TSHZ2: variants seen among roughly 807,000 people sequenced by gnomAD.
TSHZ2 encodes teashirt homolog 2.
TSHZ2 carries 21 observed loss-of-function variants against 74.4 expected under a neutral mutation model. The observed-to-expected ratio is 0.28, with a 90% CI of 0.20 to 0.41. The LOEUF (loss-of-function observed/expected upper bound fraction) is 0.41, where lower values mean the gene tolerates loss of function less well. Among genes scored for constraint, TSHZ2 ranks in the 10% least tolerant of loss-of-function variants. TSHZ2 has a pLI of 1.00. For missense variants in TSHZ2, 1,244 were observed against 1,293.5 expected (o/e 0.96, Z 0.59); for synonymous variants, 540 against 515.3 (o/e 1.05, Z -0.65).
chr20:53,472,496 G>C (rs1985841754), intron 2 of TSHZ2, among the ~76,000 whole-genome samples: 1 of 152,014 alleles, frequency 6.6e-6, no homozygotes, highest in Non-Finnish European at 1.5e-5. Context: ...TTGGGGAAAG[G>C]TTTTATTGAA....
intron 2 of TSHZ2, among the ~76,000 whole-genome samples, chr20:53,392,113 A>C (rs1356044397): frequency 3.9e-5 from 6 of 152,214 alleles, no homozygotes; most frequent in Non-Finnish European, 8.8e-5. Context: ...GGCATCAGAG[A>C]AATCTTGCTC....
chr20:53,447,835 G>C (rs946376585), intron 2 of TSHZ2, among the ~76,000 whole-genome samples: 1 of 152,152 alleles, frequency 6.6e-6, no homozygotes, highest in South Asian at 2.1e-4. Flanking sequence ...AACACCAGGG[G>C]TTCCATCTGT....
chr20:53,299,845 A>G (rs1265351925), intron 2 of TSHZ2, among the ~76,000 whole-genome samples: 1 of 152,242 alleles, frequency 6.6e-6, no homozygotes, highest in African/African-American at 2.4e-5. Context: ...ACTTCTAAAC[A>G]TTATACAGAG....
At chr20:53,095,298 G>A (rs1050408953) in intron 1 of TSHZ2, among the ~76,000 whole-genome samples, 5 of 152,142 alleles carry the variant, frequency 3.3e-5, no homozygotes, top group South Asian at 2.1e-4. Flanking sequence ...TAAGTCCACC[G>A]TCACAGAGCT....
At position 53,469,917 on chromosome 20, in the gene TSHZ2, G is replaced by A. The variant is rs1255132721; in HGVS notation, c.*9-17227G>A. Among the ~76,000 whole-genome samples the A allele has an allele frequency of 3.3e-5, 5 of 151,064 alleles. 1 individual carries two copies. The highest frequency in any genetic ancestry group is 5.9e-5 in the Non-Finnish European group (4 of 67,780). On this transcript the variant is annotated intron_variant, in intron 2 of 2. Coordinates refer to ENST00000371497, the MANE Select transcript of TSHZ2 (RefSeq NM_173485.6). The stretch of plus-strand genomic sequence containing the variant: ...AGGAAAGGAGGAAGGAAGGAAGGAA[G>A]GAAGGCAGGCAGGCAGGCAGGCAGG...
intron 2 of TSHZ2, among the ~76,000 whole-genome samples, chr20:53,274,267 T>A (rs1022597342): frequency 2.0e-5 from 3 of 152,168 alleles, no homozygotes; most frequent in Admixed American, 6.5e-5. Context: ...AGACTCCATC[T>A]CAAAATAAAT....
chr20:53,183,695 G>C (rs973413379), intron 1 of TSHZ2, among the ~76,000 whole-genome samples: 1 of 152,172 alleles, frequency 6.6e-6, no homozygotes, highest in Admixed American at 6.5e-5. Context: ...CAGCTGATCA[G>C]TGACTGACAT....
chr20:53,446,407 CAAAAA>C (rs34010689), intron 2 of TSHZ2, among the ~76,000 whole-genome samples: 2 of 127,470 alleles, frequency 1.6e-5, no homozygotes, highest in East Asian at 2.2e-4. Flanking sequence ...ACTAAAAATA[CAAAAA>C]AAAAAAAAAA....
At chr20:53,315,177 C>T (rs765741267) in intron 2 of TSHZ2, among the ~76,000 whole-genome samples, 9 of 152,190 alleles carry the variant, frequency 5.9e-5, no homozygotes, top group Non-Finnish European at 1.3e-4. Context: ...AAGACATCTT[C>T]ACATTATACT....
At chr20:53,106,606 A>C (rs150955042) in intron 1 of TSHZ2, among the ~76,000 whole-genome samples, 1 of 147,694 alleles carries the variant, frequency 6.8e-6, no homozygotes. Flanking sequence ...GGGTTTCACC[A>C]TGTTAGCCAG....
intron 1 of TSHZ2, among the ~76,000 whole-genome samples, chr20:52,983,648 T>C (rs1487182820): frequency 6.6e-6 from 1 of 152,250 alleles, no homozygotes; most frequent in African/African-American, 2.4e-5. Flanking sequence ...GAGAAAATAT[T>C]AATGACCAAA....
chr20:52,973,163 A>G lies in TSHZ2; in HGVS notation c.-131A>G, dbSNP rs1025873010. 3.2e-5 allele frequency: 38 copies of G among 1,192,232 alleles called. No individual in the cohort carries two copies. In the Middle Eastern group the frequency reaches 6.5e-4, roughly 20 times the overall value. 73.9% of individuals were successfully genotyped at this position (1,192,232 alleles called of 1,614,324 possible). A position where few individuals can be genotyped will look rare whatever the true frequency, so the allele number is the denominator to read the frequency against. On this transcript the variant is annotated 5_prime_UTR_variant, in exon 1 of 3. Transcript: ENST00000371497. ...TTGCAGGGGGGATCGTCAGGGGGAC[A>G]GAGGCCGAGTGACGTCCTAGGAGCC...
chr20:53,167,379 AG>A (rs1988087877), intron 1 of TSHZ2, among the ~76,000 whole-genome samples: 1 of 152,220 alleles, frequency 6.6e-6, no homozygotes. Flanking sequence ...TATATAGGTG[AG>A]AAAACTGGTG....
At chr20:53,443,453 C>T (rs6013688) in intron 2 of TSHZ2, among the ~76,000 whole-genome samples, 6,210 of 152,178 alleles carry the variant, frequency 0.041, 407 homozygotes, top group African/African-American at 0.14. Flanking sequence ...AAATTCTGGC[C>T]TCCATTTTCT....
chr20:53,253,653 C>G lies in TSHZ2; in HGVS notation c.195C>G (p.Ser65Arg), dbSNP rs1391141229. The G allele has an allele frequency of 6.2e-7, 1 of 1,614,050 alleles. No homozygotes were observed. The highest frequency in any genetic ancestry group is 1.3e-5 in the African/African-American group (1 of 74,914). Residue 65 changes from serine to arginine, a missense_variant, in exon 2 of 3, where the codon AGC (serine) becomes AGG (arginine). By Grantham distance (110) the Ser-to-Arg change is moderately radical. Coordinates refer to ENST00000371497, the MANE Select transcript of TSHZ2 (RefSeq NM_173485.6). ...ETGPEQKGCF[S>R]YQNSPGSHLS... ...GCCCAGAGCAAAAAGGCTGCTTCAG[C>G]TACCAGAACTCTCCAGGAAGTCATT...
At chr20:53,458,020 C>CT (rs1281299144) in intron 2 of TSHZ2, among the ~76,000 whole-genome samples, 1 of 151,846 alleles carries the variant, frequency 6.6e-6, no homozygotes, top group Non-Finnish European at 1.5e-5. Flanking sequence ...CTAAAATTCT[C>CT]TTTTTTGGTT....
intron 1 of TSHZ2, among the ~76,000 whole-genome samples, chr20:53,218,396 G>A (rs1343490566): frequency 6.6e-6 from 1 of 152,236 alleles, no homozygotes; most frequent in Non-Finnish European, 1.5e-5. Context: ...CGACTTATTT[G>A]TTCGGCCCAC....
At chr20:53,289,608 A>G (rs1475234089) in intron 2 of TSHZ2, among the ~76,000 whole-genome samples, 1 of 152,078 alleles carries the variant, frequency 6.6e-6, no homozygotes, top group African/African-American at 2.4e-5. Flanking sequence ...CCATTTGTTT[A>G]TTTCCTTTTG....
At chr20:53,472,195 CAGA>C (rs1024531360) in intron 2 of TSHZ2, among the ~76,000 whole-genome samples, 1 of 152,178 alleles carries the variant, frequency 6.6e-6, no homozygotes, top group Non-Finnish European at 1.5e-5. Flanking sequence ...GGAAAGTTAT[CAGA>C]AGGACACCAA....
Sources: gnomAD v4.1 joint callset for allele counts (sites outside exome capture counted in the v4.1 genomes callset) on GRCh38, gnomAD v4.1.1 for gene constraint, MANE v1.5 for transcripts, NCBI Gene and HGNC (gene_info 2026-07-23, HGNC 2026-07-21) for gene names.